Variants in SH3GL3 observed in about 807,000 individuals in gnomAD.
SH3GL3 encodes the protein SH3 domain containing GRB2 like 3, endophilin A3.
A neutral mutation model predicts 47.7 loss-of-function variants in SH3GL3; 33 were observed. The ratio of observed to expected loss-of-function variants is 0.69; its 90% CI spans 0.52 to 0.92. The LOEUF (loss-of-function observed/expected upper bound fraction) is 0.92, where lower values mean the gene tolerates loss of function less well. SH3GL3 is among the 40% of genes least tolerant of loss of function. The probability of loss-of-function intolerance (pLI) is 0.00; values close to 1 mark genes in which losing one functional copy is unlikely to be tolerated. For missense variants in SH3GL3, 363 were observed against 417.8 expected (o/e 0.87, Z 1.14); for synonymous variants, 155 against 148.8 (o/e 1.04, Z -0.30).
At chr15:83,569,940 C>T (rs1213956769) in intron 4 of SH3GL3, among the ~76,000 whole-genome samples, 1 of 152,074 alleles carries the variant, frequency 6.6e-6, no homozygotes, top group Non-Finnish European at 1.5e-5. Context: ...GAAGCTTTGT[C>T]CCAGGTAAGC....
At chr15:83,522,465 C>T (rs2043249064) in intron 1 of SH3GL3, among the ~76,000 whole-genome samples, 1 of 152,174 alleles carries the variant, frequency 6.6e-6, no homozygotes. Context: ...TACCTCTTCA[C>T]TTCTCTTCTC....
In SH3GL3 at chr15:83,591,249, C is replaced by G. The variant is rs891156308; in HGVS notation, c.838+2478C>G. On this transcript the variant is annotated intron_variant, in intron 8 of 8. Coordinates refer to ENST00000427482, the MANE Select transcript of SH3GL3 (RefSeq NM_003027.5). ...TCTCGAACTCCTGACCTCAAATGAT[C>G]TGGCTGCCTCAGCCTCCCAAAGTGC... 3.3e-5 allele frequency among the ~76,000 whole-genome samples: 5 copies of G among 152,164 alleles called. No individual in the cohort carries two copies. In the East Asian group the frequency reaches 9.6e-4, roughly 29 times the overall value.
At chr15:83,490,447 T>A (rs2041829201) in intron 1 of SH3GL3, among the ~76,000 whole-genome samples, 1 of 152,004 alleles carries the variant, frequency 6.6e-6, no homozygotes, top group South Asian at 2.1e-4. Context: ...AGATTACAAT[T>A]TGTTTTTTCT....
At chr15:83,568,480 T>G in intron 3 of SH3GL3, 49 bp from the exon 4 acceptor site, 1 of 1,527,730 alleles carries the variant, frequency 6.5e-7, no homozygotes, top group Non-Finnish European at 9.0e-7. Context: ...TATGTACCTG[T>G]CACTCCACCT....
intron 1 of SH3GL3, among the ~76,000 whole-genome samples, chr15:83,539,731 T>G (rs931517426): frequency 6.6e-6 from 1 of 152,240 alleles, no homozygotes; most frequent in Admixed American, 6.5e-5. Flanking sequence ...ATACAACATA[T>G]GAATCCTTTT....
rs185648759 is a variant in SH3GL3, at chr15:83,474,983, T to C, written c.45+27405T>C. Among the ~76,000 whole-genome samples the C allele has an allele frequency of 2.6e-4, 39 of 151,728 alleles. No homozygotes were observed. In the East Asian group the frequency reaches 7.4e-3, roughly 29 times the overall value. ...AGGGAGTGCTTTGCTTGTAGTGACCTATTTAGGAATCTTTTGAGAACAGGA... is the reference window on the plus strand; with the variant it reads ...AGGGAGTGCTTTGCTTGTAGTGACCCATTTAGGAATCTTTTGAGAACAGGA... On this transcript the variant is annotated intron_variant, in intron 1 of 8. Transcript: ENST00000427482.
intron 2 of SH3GL3, among the ~76,000 whole-genome samples, chr15:83,560,807 A>G (rs766687801): frequency 1.1e-4 from 16 of 152,236 alleles, no homozygotes; most frequent in African/African-American, 3.4e-4. Context: ...AAAATATTCT[A>G]TAATTAATGC....
In SH3GL3 at chr15:83,618,425, T is replaced by A; in HGVS notation, c.*138T>A. The A allele has an allele frequency of 4.9e-6, 3 of 614,818 alleles. No homozygotes were observed. The highest frequency in any genetic ancestry group is 8.8e-6 in the Non-Finnish European group (3 of 341,558). 38.1% of individuals were successfully genotyped at this position (614,818 alleles called of 1,614,324 possible). The stretch of plus-strand genomic sequence containing the variant: ...TTGTATGTGTGCTCTCTTTATAATG[T>A]ATTTTATATCACTTTAATTTGTATA... On this transcript the variant is annotated 3_prime_UTR_variant, in exon 9 of 9. Transcript: ENST00000427482.
chr15:83,537,648 A>G (rs1201642191), intron 1 of SH3GL3, among the ~76,000 whole-genome samples: 2 of 152,128 alleles, frequency 1.3e-5, no homozygotes, highest in Non-Finnish European at 2.9e-5. Flanking sequence ...TCCCCTGATG[A>G]TTCCCCAGGC....
chr15:83,588,881 T>G, intron 8 of SH3GL3, 110 bp downstream of exon 8: 1 of 654,038 alleles, frequency 1.5e-6, no homozygotes. Context: ...CCTGGATATC[T>G]TTCTTTGGTT....
chr15:83,586,622 C>A (rs2059962061), intron 6 of SH3GL3, among the ~76,000 whole-genome samples: 1 of 152,156 alleles, frequency 6.6e-6, no homozygotes, highest in African/African-American at 2.4e-5. Context: ...AGTTCTTTTG[C>A]TAAATGTTGG....
At chr15:83,475,323 T>TA in intron 1 of SH3GL3, among the ~76,000 whole-genome samples, 1 of 151,512 alleles carries the variant, frequency 6.6e-6, no homozygotes, top group Non-Finnish European at 1.5e-5. Context: ...ACTAAAAATA[T>TA]AAAAAATTAA....
intron 1 of SH3GL3, among the ~76,000 whole-genome samples, chr15:83,525,396 GTTTC>G (rs890965307): frequency 1.3e-5 from 2 of 150,150 alleles, no homozygotes; most frequent in African/African-American, 4.9e-5. Context: ...GTGGAGTTGA[GTTTC>G]TTTGTAAATT....
At chr15:83,606,127 G>C (rs2060509574) in intron 8 of SH3GL3, among the ~76,000 whole-genome samples, 1 of 152,002 alleles carries the variant, frequency 6.6e-6, no homozygotes, top group South Asian at 2.1e-4. Context: ...CCCCAAACTG[G>C]GACCTGCTTT....
intron 1 of SH3GL3, among the ~76,000 whole-genome samples, chr15:83,449,614 T>G (rs1396326612): frequency 6.6e-6 from 1 of 152,218 alleles, no homozygotes; most frequent in South Asian, 2.1e-4. Context: ...CCTTGGAAGT[T>G]ATTGGCACTG....
chr15:83,616,533 C>T lies in SH3GL3; in HGVS notation c.839-1549C>T, dbSNP rs144787612. On this transcript the variant is annotated intron_variant, in intron 8 of 8. Coordinates refer to ENST00000427482, the MANE Select transcript of SH3GL3 (RefSeq NM_003027.5). ...CTGGGATTACAAGCGTGAGCCACTG[C>T]GCCTGGCCACTGTGATTGCTTTTGC... 2.9e-3 allele frequency among the ~76,000 whole-genome samples: 439 copies of T among 152,144 alleles called. 2 individuals are homozygous for T. Among genetic ancestry groups the T allele is most frequent in the African/African-American group, 0.01 (422 of 41,510 alleles).
chr15:83,600,728 A>G (rs999716470), intron 8 of SH3GL3, among the ~76,000 whole-genome samples: 1 of 152,114 alleles, frequency 6.6e-6, no homozygotes, highest in African/African-American at 2.4e-5. Flanking sequence ...TTTGTGAAGA[A>G]TGATGGTGGT....
chr15:83,501,855 C>T (rs1043239707), intron 1 of SH3GL3, among the ~76,000 whole-genome samples: 1 of 152,110 alleles, frequency 6.6e-6, no homozygotes, highest in South Asian at 2.1e-4. Context: ...CATGCCACCG[C>T]ACTCCAGCCT....
At chr15:83,531,728 A>G (rs2043683812) in intron 1 of SH3GL3, among the ~76,000 whole-genome samples, 1 of 152,192 alleles carries the variant, frequency 6.6e-6, no homozygotes, top group African/African-American at 2.4e-5. Context: ...CAGAGATGAG[A>G]TGACAGTAGC....
Sources: gnomAD v4.1 joint callset for allele counts (sites outside exome capture counted in the v4.1 genomes callset) on GRCh38, gnomAD v4.1.1 for gene constraint, MANE v1.5 for transcripts, NCBI Gene and HGNC (gene_info 2026-07-23, HGNC 2026-07-21) for gene names.